The following UNC5C variants were observed in gnomAD, a reference collection of about 807,000 sequenced individuals.
The protein encoded by UNC5C is netrin receptor UNC5C.
UNC5C carries 47 observed loss-of-function variants against 99.8 expected under a neutral mutation model. The ratio of observed to expected loss-of-function variants is 0.47; its 90% CI spans 0.37 to 0.60. The LOEUF is 0.60. UNC5C is among the 20% of genes least tolerant of loss of function. The probability of loss-of-function intolerance (pLI) is 0.00; values close to 1 mark genes in which losing one functional copy is unlikely to be tolerated. For synonymous variants in UNC5C, 487 were observed against 452.2 expected (o/e 1.08, Z -0.98); for missense variants, 1,062 against 1,165.9 (o/e 0.91, Z 1.30).
intron 1 of UNC5C, among the ~76,000 whole-genome samples, chr4:95,477,101 T>C (rs912874047): frequency 2.0e-4 from 30 of 152,068 alleles, no homozygotes; most frequent in African/African-American, 6.8e-4. Context: ...TAAAAATGTC[T>C]AAAGATAACC....
At chr4:95,404,686 C>T (rs186265995) in intron 1 of UNC5C, among the ~76,000 whole-genome samples, 2 of 152,214 alleles carry the variant, frequency 1.3e-5, no homozygotes, top group Non-Finnish European at 2.9e-5. Flanking sequence ...AAGGCTTCAC[C>T]CTCAAGCCTG....
At chr4:95,183,119 A>C in intron 13 of UNC5C, 58 bp from the exon 14 acceptor site, 1 of 1,532,812 alleles carries the variant, frequency 6.5e-7, no homozygotes, top group Non-Finnish European at 8.9e-7. Flanking sequence ...AATAACTCTC[A>C]GATGGTCTGC....
At chr4:95,386,052 T>A (rs1027337889) in intron 1 of UNC5C, among the ~76,000 whole-genome samples, 2 of 152,132 alleles carry the variant, frequency 1.3e-5, no homozygotes, top group African/African-American at 4.8e-5. Context: ...TGGTACCCAT[T>A]TGGAAACTTG....
intron 1 of UNC5C, among the ~76,000 whole-genome samples, chr4:95,536,491 T>C (rs1332738621): frequency 6.6e-6 from 1 of 152,202 alleles, no homozygotes; most frequent in African/African-American, 2.4e-5. Context: ...CTAAAACCTA[T>C]TCCAAAATCT....
At chr4:95,392,429 CATTT>C (rs72419320) in intron 1 of UNC5C, among the ~76,000 whole-genome samples, 44,824 of 115,130 alleles carry the variant, frequency 0.39, 7,004 homozygotes, top group Middle Eastern at 0.46. Flanking sequence ...AGTATCAAAA[CATTT>C]TTTTTTTTTT....
Position 95,266,345 on chromosome 4 carries a change from GT to G in UNC5C, c.594+11913del, listed in dbSNP as rs564294549. ...GTTTAGAAATCCCTCCAACAGTGAG[GT>G]CATTCAATTCTACTGACGCCTTCAG... On this transcript the variant is annotated intron_variant, in intron 4 of 15. Coordinates refer to ENST00000453304, the MANE Select transcript of UNC5C (RefSeq NM_003728.4). Among the ~76,000 whole-genome samples the G allele has an allele frequency of 1.7e-4, 26 of 152,278 alleles. No individual in the cohort carries two copies. In the South Asian group the frequency reaches 5.4e-3, roughly 32 times the overall value.
At chr4:95,192,245 C>A (rs1737157623) in intron 12 of UNC5C, among the ~76,000 whole-genome samples, 1 of 146,274 alleles carries the variant, frequency 6.8e-6, no homozygotes, top group African/African-American at 2.6e-5. Flanking sequence ...CCCTCCTCCC[C>A]TGTTCACCCT....
Position 95,169,349 on chromosome 4 carries a change from T to C in UNC5C, c.2681A>G (p.Asp894Gly). 1.9e-6 allele frequency: 3 copies of C among 1,614,246 alleles called. No homozygotes were observed. Among genetic ancestry groups the C allele is most frequent in the Non-Finnish European group, 2.5e-6 (3 of 1,180,044 alleles). The change falls in exon 16 of 16, where the codon GAT becomes GGT. Residue 894 changes from aspartate (D) to glycine (G), a missense_variant. Asp to Gly is a moderately conservative substitution (Grantham distance 94). Transcript: ENST00000453304. ...TKSSPTGVILDLWEAQNFPDG... is the reference protein window; with the variant it reads ...TKSSPTGVILGLWEAQNFPDG... ...TGGGAAGTTCTGTGCTTCCCAAAGA[T>C]CCAGGATTACGCCAGTTGGGCTGGA...
chr4:95,449,749 CTAAGA>C (rs1372338627), intron 1 of UNC5C, among the ~76,000 whole-genome samples: 6 of 152,128 alleles, frequency 3.9e-5, no homozygotes, highest in Admixed American at 1.3e-4. Context: ...AATCTGCCAA[CTAAGA>C]TATCTGTTAG....
chr4:95,470,614 G>A (rs934449067), intron 1 of UNC5C, among the ~76,000 whole-genome samples: 2 of 152,054 alleles, frequency 1.3e-5, no homozygotes, highest in Non-Finnish European at 2.9e-5. Flanking sequence ...GTATGTGATG[G>A]CAATAAACTT....
intron 4 of UNC5C, among the ~76,000 whole-genome samples, chr4:95,251,159 A>G (rs1739707858): frequency 6.6e-6 from 1 of 152,244 alleles, no homozygotes; most frequent in Admixed American, 6.5e-5. Context: ...TAGACATCAC[A>G]TAGCTGTAAT....
intron 1 of UNC5C, among the ~76,000 whole-genome samples, chr4:95,433,490 C>G (rs748277681): frequency 1.7e-4 from 26 of 152,124 alleles, no homozygotes; most frequent in Non-Finnish European, 3.2e-4. Flanking sequence ...CAGTGAATAT[C>G]TGTATATCTA....
chr4:95,439,032 A>G (rs1046699933), intron 1 of UNC5C, among the ~76,000 whole-genome samples: 4 of 152,050 alleles, frequency 2.6e-5, no homozygotes, highest in African/African-American at 9.7e-5. Flanking sequence ...TTTGTTTTCA[A>G]TCTTTAAATC....
chr4:95,216,075 T>C, intron 10 of UNC5C, 49 bp downstream of exon 10: 1 of 1,520,268 alleles, frequency 6.6e-7, no homozygotes, highest in Non-Finnish European at 9.1e-7. Context: ...ACAATTCTCC[T>C]CCAAGTTAGA....
At chr4:95,252,055 T>A (rs574410922) in intron 4 of UNC5C, among the ~76,000 whole-genome samples, 23 of 152,168 alleles carry the variant, frequency 1.5e-4, no homozygotes, top group Admixed American at 6.5e-4. Flanking sequence ...AAATATGTAT[T>A]TTGTTTCCAA....
chr4:95,341,620 C>T (rs934654978), intron 1 of UNC5C, among the ~76,000 whole-genome samples: 1 of 151,918 alleles, frequency 6.6e-6, no homozygotes, highest in Non-Finnish European at 1.5e-5. Context: ...CAAATGGAAG[C>T]CTTCACTGAT....
At position 95,165,674 on chromosome 4, in the gene UNC5C, A is replaced by G. The variant is rs1336269955; in HGVS notation, c.*3560T>C. 1.3e-5 allele frequency: 2 copies of G among 152,124 alleles called. No homozygotes were observed. The highest frequency in any genetic ancestry group is 1.9e-4 in the East Asian group (1 of 5,192). 9.4% of individuals were successfully genotyped at this position (152,124 alleles called of 1,614,324 possible). ...TTCTTCCCTTTGATTAACAACCCCAATTTTCTCTTCCCTAGACATAGTATT... is the reference window on the plus strand; with the variant it reads ...TTCTTCCCTTTGATTAACAACCCCAGTTTTCTCTTCCCTAGACATAGTATT... On this transcript the variant is annotated 3_prime_UTR_variant, in exon 16 of 16. Transcript: ENST00000453304.
At position 95,254,896 on chromosome 4, in the gene UNC5C, A is replaced by G. The variant is rs1051036357; in HGVS notation, c.595-4229T>C. Among the ~76,000 whole-genome samples, 8 of 152,118 alleles carry G rather than the reference A, an allele frequency of 5.3e-5. No homozygotes were observed. The East Asian group carries it at 1.5e-3, about 29-fold the overall frequency. On this transcript the variant is annotated intron_variant, in intron 4 of 15. Coordinates refer to ENST00000453304, the MANE Select transcript of UNC5C (RefSeq NM_003728.4). ...TAAATTCCAATGTCTAGCTTTATAT[A>G]TGATTCTTGCATTATACTGTCAATG...
At chr4:95,462,249 C>A (rs1236628088) in intron 1 of UNC5C, among the ~76,000 whole-genome samples, 2 of 152,000 alleles carry the variant, frequency 1.3e-5, no homozygotes, top group Non-Finnish European at 2.9e-5. Flanking sequence ...AGTAGATATA[C>A]AGTAAATAGT....
Sources: gnomAD v4.1 joint callset for allele counts (sites outside exome capture counted in the v4.1 genomes callset) on GRCh38, gnomAD v4.1.1 for gene constraint, MANE v1.5 for transcripts, NCBI Gene and HGNC (gene_info 2026-07-23, HGNC 2026-07-21) for gene names.